The following SCUBE1 variants were observed in gnomAD, a reference collection of about 807,000 sequenced individuals.
SCUBE1 encodes signal peptide, CUB domain and EGF like domain containing 1, also known as signal peptide, CUB and EGF-like domain-containing protein 1.
Under a neutral mutation model 124.4 loss-of-function variants are expected in SCUBE1, and 59 were observed. That is an observed-to-expected ratio of 0.47 (90% CI 0.38 to 0.59). The LOEUF is 0.59. Among genes scored for constraint, SCUBE1 ranks in the 20% least tolerant of loss-of-function variants. The probability of loss-of-function intolerance (pLI) is 0.00; values close to 1 mark genes in which losing one functional copy is unlikely to be tolerated. For missense variants in SCUBE1, 1,150 were observed against 1,371.2 expected, an observed-to-expected ratio of 0.84 and a Z score of 2.55; for synonymous variants, 545 against 550.9, an observed-to-expected ratio of 0.99 and a Z score of 0.15.
intron 3 of SCUBE1, among the ~76,000 whole-genome samples, chr22:43,309,887 A>G (rs577284917): frequency 6.6e-6 from 1 of 152,218 alleles, no homozygotes; most frequent in Admixed American, 6.5e-5. Flanking sequence ...TTCAACGACC[A>G]CTTCTCCCAC....
At chr22:43,266,860 C>T (rs1181972808) in intron 4 of SCUBE1, among the ~76,000 whole-genome samples, 4 of 152,230 alleles carry the variant, frequency 2.6e-5, no homozygotes, top group African/African-American at 7.2e-5. Flanking sequence ...GGAGCAGCCC[C>T]TCCACGAAGC....
chr22:43,223,238 A>G lies in SCUBE1; in HGVS notation c.1208-22T>C. Reference sequence around the variant, plus strand: ...GTCTCTATGAAGGGAGATACGAGAGAGGGCTGAGAGAGGCCAGGGCGGAGG... The same window carrying G: ...GTCTCTATGAAGGGAGATACGAGAGGGGGCTGAGAGAGGCCAGGGCGGAGG... On this transcript the variant is annotated intron_variant, in intron 10 of 21. Transcript: ENST00000360835. 2.6e-6 allele frequency: 4 copies of G among 1,557,098 alleles called. No individual in the cohort carries two copies. The South Asian group carries it at 4.9e-5, about 19-fold the overall frequency.
At position 43,277,892 on chromosome 22, in the gene SCUBE1, C is replaced by T. The variant is rs532742035; in HGVS notation, c.484+13154G>A. On this transcript the variant is annotated intron_variant, in intron 4 of 21. Transcript: ENST00000360835. ...CTTGTGGCAGAGAAGGACGCCAGGG[C>T]TGGGCAAGCTACCTGTTGGCCTAGC... Among the ~76,000 whole-genome samples, 3 of 152,384 alleles carry T rather than the reference C, an allele frequency of 2.0e-5. No homozygotes were observed. The East Asian group carries it at 5.8e-4, about 29-fold the overall frequency.
At chr22:43,285,676 G>C (rs377726155) in intron 4 of SCUBE1, among the ~76,000 whole-genome samples, 1 of 152,180 alleles carries the variant, frequency 6.6e-6, no homozygotes, top group African/African-American at 2.4e-5. Context: ...AGACAGGGCG[G>C]GGTGAGGAGC....
At chr22:43,331,633 G>A (rs56226802) in intron 2 of SCUBE1, among the ~76,000 whole-genome samples, 7,315 of 152,236 alleles carry the variant, frequency 0.048, 576 homozygotes, top group African/African-American at 0.17. Context: ...AGATTAGTAG[G>A]ACCCAATTCA....
At chr22:43,204,263 C>G in intron 21 of SCUBE1, 114 bp from the exon 22 acceptor site, 3 of 823,928 alleles carry the variant, frequency 3.6e-6, no homozygotes. Context: ...TTTCAGGACC[C>G]CACAGACCTT....
At chr22:43,221,331 C>T (rs1922084203) in intron 12 of SCUBE1, 42 bp from the exon 13 acceptor site, 2 of 1,330,648 alleles carry the variant, frequency 1.5e-6, no homozygotes, top group Non-Finnish European at 1.1e-6. Flanking sequence ...GCCTCTCCTG[C>T]AGGCAAGGAG....
chr22:43,308,544 G>A (rs143352299), intron 3 of SCUBE1, among the ~76,000 whole-genome samples: 3 of 152,186 alleles, frequency 2.0e-5, no homozygotes, highest in Non-Finnish European at 4.4e-5. Context: ...TCGAGCCTTC[G>A]TTAGGGGTTC....
At chr22:43,260,698 C>G (rs549505768) in intron 5 of SCUBE1, among the ~76,000 whole-genome samples, 1 of 152,352 alleles carries the variant, frequency 6.6e-6, no homozygotes, top group South Asian at 2.1e-4. Context: ...GAAATCACAT[C>G]GGGCTCTCCA....
At chr22:43,304,114 G>C (rs1925876394) in intron 3 of SCUBE1, among the ~76,000 whole-genome samples, 2 of 152,180 alleles carry the variant, frequency 1.3e-5, no homozygotes, top group African/African-American at 2.4e-5. Context: ...TGGGATTCCT[G>C]GGTCAACGAC....
chr22:43,338,835 G>A (rs1927170336), intron 2 of SCUBE1, among the ~76,000 whole-genome samples: 2 of 152,204 alleles, frequency 1.3e-5, no homozygotes, highest in African/African-American at 4.8e-5. Context: ...ACCGCACCCA[G>A]CCAATTTCTT....
At chr22:43,274,353 T>G (rs2146725524) in intron 4 of SCUBE1, among the ~76,000 whole-genome samples, 1 of 152,274 alleles carries the variant, frequency 6.6e-6, no homozygotes, top group Middle Eastern at 3.4e-3. Flanking sequence ...AAAAAATTAC[T>G]TGTTTATCTG....
chr22:43,308,292 C>A (rs1209944038), intron 3 of SCUBE1, among the ~76,000 whole-genome samples: 1 of 152,094 alleles, frequency 6.6e-6, no homozygotes, highest in African/African-American at 2.4e-5. Flanking sequence ...TCCAACTGAG[C>A]GTGTTTAGAG....
chr22:43,327,336 T>C (rs1229815121), intron 2 of SCUBE1, among the ~76,000 whole-genome samples: 1 of 152,142 alleles, frequency 6.6e-6, no homozygotes, highest in Non-Finnish European at 1.5e-5. Context: ...CAAGATCACA[T>C]AGTCGATGGT....
intron 4 of SCUBE1, among the ~76,000 whole-genome samples, chr22:43,275,324 C>T (rs576610219): frequency 1.6e-4 from 24 of 152,302 alleles, no homozygotes; most frequent in African/African-American, 5.3e-4. Context: ...CCTCTCCTGG[C>T]GGTGGGCTGG....
At chr22:43,204,231 G>A in intron 21 of SCUBE1, 82 bp from the exon 22 acceptor site, 2 of 1,297,892 alleles carry the variant, frequency 1.5e-6, no homozygotes, top group Non-Finnish European at 1.1e-6. Context: ...GGGGAGGGGA[G>A]AGAGATGCGC....
In SCUBE1 at chr22:43,231,974, C is replaced by T. The variant is rs996764157; in HGVS notation, c.845-99G>A. On this transcript the variant is annotated intron_variant, in intron 7 of 21. Transcript: ENST00000360835. ...GCTAGCGGCAGGGGATGACACTGCCCTGAGTTGCCTGGTGCCCACTTCCCA... is the reference window on the plus strand; with the variant it reads ...GCTAGCGGCAGGGGATGACACTGCCTTGAGTTGCCTGGTGCCCACTTCCCA... The T allele has an allele frequency of 1.7e-5, 24 of 1,432,954 alleles. No individual in the cohort carries two copies. In the African/African-American group the frequency reaches 3.2e-4, roughly 19 times the overall value. 88.8% of individuals were successfully genotyped at this position (1,432,954 alleles called of 1,614,324 possible). A position where few individuals can be genotyped will look rare whatever the true frequency, so the allele number is the denominator to read the frequency against.
chr22:43,289,443 G>A (rs1288375613), intron 4 of SCUBE1, among the ~76,000 whole-genome samples: 2 of 152,216 alleles, frequency 1.3e-5, no homozygotes, highest in African/African-American at 4.8e-5. Context: ...ACGGAGCTCG[G>A]GCTTTCTGTT....
intron 2 of SCUBE1, 95 bp from the exon 3 acceptor site, chr22:43,320,160 G>A: frequency 1.4e-6 from 2 of 1,473,630 alleles, no homozygotes; most frequent in East Asian, 4.6e-5. Context: ...GTGATTAGGG[G>A]ATGATTCAAC....
Sources: allele counts gnomAD v4.1 joint callset (sites outside exome capture counted in the v4.1 genomes callset), GRCh38; gene constraint gnomAD v4.1.1; transcripts MANE v1.5; gene names NCBI Gene and HGNC (gene_info 2026-07-23, HGNC 2026-07-21).